GTPBP4: variants seen among roughly 807,000 people sequenced by gnomAD.
GTPBP4 encodes GTP-binding protein 4.
A neutral mutation model predicts 81.7 loss-of-function variants in GTPBP4; 15 were observed. The ratio of observed to expected loss-of-function variants is 0.18; its 90% CI spans 0.12 to 0.28. The LOEUF (loss-of-function observed/expected upper bound fraction) is 0.28, where lower values mean the gene tolerates loss of function less well. Among genes scored for constraint, GTPBP4 ranks in the 10% least tolerant of loss-of-function variants. The pLI, the probability that GTPBP4 is intolerant of heterozygous loss-of-function variation, is 1.00. For missense variants in GTPBP4, 847 were observed against 793.8 expected (o/e 1.07, Z -0.81); for synonymous variants, 272 against 274.6 (o/e 0.99, Z 0.09).
At chr10:1,011,106 C>CTGT (rs1386297467) in intron 13 of GTPBP4, among the ~76,000 whole-genome samples, 7 of 108,620 alleles carry the variant, frequency 6.4e-5, no homozygotes, top group Non-Finnish European at 1.4e-4. Flanking sequence ...CACCTCTTCC[C>CTGT]CCCACCCCGA....
chr10:997,243 C>A lies in GTPBP4; in HGVS notation c.496C>A (p.Pro166Thr). 1 of 1,608,306 alleles carries A rather than the reference C, an allele frequency of 6.2e-7. No individual in the cohort carries two copies. Among genetic ancestry groups the A allele is most frequent in the Non-Finnish European group, 8.5e-7 (1 of 1,174,622 alleles). The change falls in exon 5 of 17, where the codon CCG (proline) becomes ACG (threonine). Residue 166 changes from proline (P) to threonine (T), a missense_variant. This residue lies in a region of GTPBP4 where 241 missense variants were observed against 216.3 expected (regional missense o/e 1.11). Transcript: ENST00000360803. Reference sequence around the variant, plus strand: ...TTTATCCCGTTTGCCAACCATTGATCCGAATACCAGGACCCTGCTTTTGTG... The same window carrying A: ...TTTATCCCGTTTGCCAACCATTGATACGAATACCAGGACCCTGCTTTTGTG... ...QHLSRLPTID[P>T]NTRTLLLCGY...
intron 14 of GTPBP4, 127 bp from the exon 15 acceptor site, chr10:1,014,120 A>AT: frequency 1.7e-6 from 1 of 577,528 alleles, no homozygotes. Flanking sequence ...CCCAATAAAA[A>AT]TTACAACTTC....
intron 8 of GTPBP4, among the ~76,000 whole-genome samples, chr10:1,002,114 G>A (rs1306481397): frequency 6.6e-6 from 1 of 151,952 alleles, no homozygotes; most frequent in Admixed American, 6.6e-5. Flanking sequence ...TAGTAGAGAG[G>A]GTTTTACCAT....
chr10:1,005,629 C>A (rs936067180), intron 8 of GTPBP4, among the ~76,000 whole-genome samples, 189 bp from the exon 9 acceptor site: 1 of 152,120 alleles, frequency 6.6e-6, no homozygotes, highest in Non-Finnish European at 1.5e-5. Context: ...TTTTTGATGT[C>A]ATTTGTGTTT....
intron 13 of GTPBP4, among the ~76,000 whole-genome samples, chr10:1,011,115 G>C (rs1227827730): frequency 2.2e-5 from 2 of 92,034 alleles, no homozygotes; most frequent in African/African-American, 8.1e-5. Flanking sequence ...CCCCCACCCC[G>C]AGACTCTGGT....
chr10:1,001,019 T>C lies in GTPBP4; in HGVS notation c.912+6T>C, dbSNP rs770550386. The C allele has an allele frequency of 6.3e-7, 1 of 1,581,082 alleles. No individual in the cohort carries two copies. The highest frequency in any genetic ancestry group is 1.7e-5 in the Admixed American group (1 of 59,980). Reference sequence around the variant, plus strand: ...AACTTTCTGAAGATGATCAGGTAAATCACGTTAATATTTTGAATATTTCTT... The same window carrying C: ...AACTTTCTGAAGATGATCAGGTAAACCACGTTAATATTTTGAATATTTCTT... On this transcript the variant is annotated splice_donor_region_variant and intron_variant, in intron 8 of 16. Transcript: ENST00000360803.
intron 1 of GTPBP4, among the ~76,000 whole-genome samples, chr10:991,447 A>G (rs1229188163): frequency 6.6e-6 from 1 of 152,202 alleles, no homozygotes; most frequent in Non-Finnish European, 1.5e-5. Context: ...TCATGCAAAA[A>G]TCCTTCATCT....
chr10:1,007,814 A>T (rs550915849), intron 10 of GTPBP4: 1 of 483,476 alleles, frequency 2.1e-6, no homozygotes, highest in Non-Finnish European at 4.1e-6. Flanking sequence ...TTGTGTAAAG[A>T]TGATTTTATT....
At chr10:990,787 A>C (rs1831427754) in intron 1 of GTPBP4, among the ~76,000 whole-genome samples, 1 of 148,466 alleles carries the variant, frequency 6.7e-6, no homozygotes, top group Non-Finnish European at 1.5e-5. Flanking sequence ...ACTAGAAATA[A>C]AACATTGTTA....
chr10:1,012,295 C>T (rs1304470947), intron 13 of GTPBP4, 170 bp from the exon 14 acceptor site: 5 of 492,568 alleles, frequency 1.0e-5, no homozygotes, highest in Non-Finnish European at 1.9e-5. Context: ...TTCACAGAAC[C>T]CTCCCTGTGA....
rs781668902 is a variant in GTPBP4 at position 1,019,677 on chromosome 10, G to T, written c.*2450G>T. ...CAGCAGCTCCCACAGCTCCTCCTGGGACAGGTAGAGGATGCTTTTCGTTTC... is the reference window on the plus strand; with the variant it reads ...CAGCAGCTCCCACAGCTCCTCCTGGTACAGGTAGAGGATGCTTTTCGTTTC... On this transcript the variant is annotated 3_prime_UTR_variant, in exon 17 of 17. Coordinates refer to ENST00000360803, the MANE Select transcript of GTPBP4 (RefSeq NM_012341.3). 6.2e-7 allele frequency: 1 copy of T among 1,614,044 alleles called. No homozygotes were observed. The highest frequency in any genetic ancestry group is 1.1e-5 in the South Asian group (1 of 91,062).
At chr10:1,009,955 T>A (rs4880752) in intron 12 of GTPBP4, among the ~76,000 whole-genome samples, 91,799 of 151,596 alleles carry the variant, frequency 0.61, 28,320 homozygotes, top group African/African-American at 0.71. Context: ...AAATTGTACC[T>A]CTGCCCTCCA....
Position 1,008,049 on chromosome 10 carries a change from T to C in GTPBP4, c.1114-909T>C, listed in dbSNP as rs574298158. 1.3e-5 allele frequency: 6 copies of C among 465,168 alleles called. No homozygotes were observed. The East Asian group carries it at 3.2e-4, about 25-fold the overall frequency. 28.8% of individuals were successfully genotyped at this position (465,168 alleles called of 1,614,324 possible). A position where few individuals can be genotyped will look rare whatever the true frequency, so the allele number is the denominator to read the frequency against. ...TTTGAACTATTAACATATATTAATTTTTTTTTCTGGGTGTTCAGGTTTGCA... is the reference window on the plus strand; with the variant it reads ...TTTGAACTATTAACATATATTAATTCTTTTTTCTGGGTGTTCAGGTTTGCA... On this transcript the variant is annotated intron_variant, in intron 10 of 16. Coordinates refer to ENST00000360803, the MANE Select transcript of GTPBP4 (RefSeq NM_012341.3).
At chr10:1,011,124 G>A (rs1413240760) in intron 13 of GTPBP4, among the ~76,000 whole-genome samples, 1 of 97,582 alleles carries the variant, frequency 1.0e-5, no homozygotes, top group Non-Finnish European at 2.2e-5. Flanking sequence ...CGAGACTCTG[G>A]TGGAGATGCT....
intron 4 of GTPBP4, 26 bp downstream of exon 4, chr10:996,268 C>G (rs368582929): frequency 6.3e-7 from 1 of 1,598,710 alleles, no homozygotes; most frequent in Admixed American, 1.7e-5. Flanking sequence ...CCGCGGGAAC[C>G]GTGCTAGCAT....
At chr10:1,000,481 C>A (rs921228056) in intron 6 of GTPBP4, among the ~76,000 whole-genome samples, 196 bp from the exon 7 acceptor site, 1 of 151,688 alleles carries the variant, frequency 6.6e-6, no homozygotes, top group African/African-American at 2.4e-5. Context: ...TCGTGATCCA[C>A]CCGCCTCGGC....
Position 1,007,096 on chromosome 10 carries a change from C to A in GTPBP4, c.1081C>A (p.His361Asn). The change falls in exon 10 of 17, where the codon CAC (histidine) becomes AAC (asparagine). Residue 361 changes from histidine to asparagine, a missense_variant. Physicochemically the swap from His to Asn is moderately conservative, Grantham distance 68. Around this residue, in one of 3 missense-constraint regions of GTPBP4, gnomAD observed 600 missense variants for 557.1 expected, o/e 1.08. Coordinates refer to ENST00000360803, the MANE Select transcript of GTPBP4 (RefSeq NM_012341.3). ...AGTGAATGAGGTGCTGAATAGACTGCACCTGGCTATCCCAACCAGGAGGGA... is the reference window on the plus strand; with the variant it reads ...AGTGAATGAGGTGCTGAATAGACTGAACCTGGCTATCCCAACCAGGAGGGA... Reference protein sequence around the residue: ...NKVNEVLNRLHLAIPTRRDDK... With the variant: ...NKVNEVLNRLNLAIPTRRDDK... 6.2e-7 allele frequency: 1 copy of A among 1,609,138 alleles called. No homozygotes were observed. The highest frequency in any genetic ancestry group is 8.5e-7 in the Non-Finnish European group (1 of 1,175,404).
Position 1,007,803 on chromosome 10 carries a change from C to T in GTPBP4, c.1113+675C>T, listed in dbSNP as rs530832965. The T allele has an allele frequency of 2.3e-5, 11 of 470,628 alleles. No homozygotes were observed. The East Asian group carries it at 2.8e-4, about 12-fold the overall frequency. 29.2% of individuals were successfully genotyped at this position (470,628 alleles called of 1,614,324 possible). Reference sequence around the variant, plus strand: ...GCGTGGTCGGGCACTGACTGTCAGTCTTGTGTAAAGATGATTTTATTGTTG... The same window carrying T: ...GCGTGGTCGGGCACTGACTGTCAGTTTTGTGTAAAGATGATTTTATTGTTG... On this transcript the variant is annotated intron_variant, in intron 10 of 16. Transcript: ENST00000360803.
chr10:993,407 C>T (rs1020126319), intron 2 of GTPBP4, among the ~76,000 whole-genome samples: 7 of 152,130 alleles, frequency 4.6e-5, no homozygotes, highest in African/African-American at 7.2e-5. Flanking sequence ...TGCATAACCA[C>T]GCCTAATTTT....
Sources: allele counts gnomAD v4.1 joint callset (sites outside exome capture counted in the v4.1 genomes callset), GRCh38; gene constraint gnomAD v4.1.1; regional missense constraint gnomAD v4.1.1; transcripts MANE v1.5; gene names NCBI Gene and HGNC (gene_info 2026-07-23, HGNC 2026-07-21).